The following IL2RG variants were observed in gnomAD, a reference collection of about 807,000 sequenced individuals.
IL2RG encodes the protein cytokine receptor common subunit gamma.
For missense variants in IL2RG, 205 were observed against 272.9 expected, an observed-to-expected ratio of 0.75 and a Z score of 1.75; for synonymous variants, 111 against 108.5, an observed-to-expected ratio of 1.02 and a Z score of -0.15.
At position 71,111,414 on chromosome X, in the gene IL2RG, A is replaced by G. The variant is rs756804552; in HGVS notation, c.115+11T>C. The G allele has an allele frequency of 2.5e-6, 3 of 1,208,911 alleles. No individual in the cohort carries two copies. The highest frequency in any genetic ancestry group is 3.4e-6 in the Non-Finnish European group (3 of 894,759). ...CTTCTCACCAGCCCCCTCCAGTCCC[A>G]GATTTCCCACCAGCTGTGGTGTCTT... On this transcript the variant is annotated intron_variant, in intron 1 of 7. Coordinates refer to ENST00000374202, the MANE Select transcript of IL2RG (RefSeq NM_000206.3).
At chrX:71,108,061 A>G (rs2092254712) in intron 7 of IL2RG, 140 bp from the exon 8 acceptor site, 4 of 547,638 alleles carry the variant, frequency 7.3e-6, no homozygotes, top group Admixed American at 2.8e-5. Flanking sequence ...TGGGCCCCCA[A>G]TACCAGTTGC....
rs370677485 is a variant in IL2RG at position 71,108,632 on chromosome X, A to G, written c.821T>C (p.Ile274Thr). 1.0e-5 allele frequency: 12 copies of G among 1,195,873 alleles called. No individual in the cohort carries two copies. Among genetic ancestry groups the G allele is most frequent in the Non-Finnish European group, 1.4e-5 (12 of 886,369 alleles). ...VISVGSMGLI[I>T]SLLCVYFWLE... ...CCAGAAATACACACAGAGAAGGCTG[A>G]TAATCAATCCCATGGAGCCAACAGA... The change falls in exon 6 of 8, where the codon ATC becomes ACC. Residue 274 changes from isoleucine to threonine, a missense_variant. Coordinates refer to ENST00000374202, the MANE Select transcript of IL2RG (RefSeq NM_000206.3).
Position 71,107,929 on chromosome X carries a change from C to T in IL2RG, c.925-8G>A, listed in dbSNP as rs1216156279. On this transcript the variant is annotated splice_region_variant and splice_polypyrimidine_tract_variant and intron_variant, in intron 7 of 7. Coordinates refer to ENST00000374202, the MANE Select transcript of IL2RG (RefSeq NM_000206.3). Reference sequence around the variant, plus strand: ...AGACACACCACTCCAGGCCTAAAGACAGATATGTCCAGGTCAGGGGTCAAT... The same window carrying T: ...AGACACACCACTCCAGGCCTAAAGATAGATATGTCCAGGTCAGGGGTCAAT... 8.4e-7 allele frequency: 1 copy of T among 1,194,398 alleles called. No homozygotes were observed. The highest frequency in any genetic ancestry group is 3.0e-5 in the East Asian group (1 of 33,713).
chrX:71,109,548 T>G (rs1005809731), intron 4 of IL2RG, among the ~76,000 whole-genome samples, 158 bp from the exon 5 acceptor site: 5 of 111,882 alleles, frequency 4.5e-5, no homozygotes, highest in African/African-American at 1.6e-4. Flanking sequence ...CTGACTTGAA[T>G]CTAATGCCTC....
At chrX:71,111,339 T>C (rs936253832) in intron 1 of IL2RG, 86 bp downstream of exon 1, 228 of 1,135,386 alleles carry the variant, frequency 2.0e-4, no homozygotes, top group Admixed American at 1.8e-4. Flanking sequence ...ATGATTGTAA[T>C]GGCCAGTGGC....
chrX:71,107,969 A>G (rs1569479748), intron 7 of IL2RG, 48 bp from the exon 8 acceptor site: 3 of 1,035,786 alleles, frequency 2.9e-6, no homozygotes, highest in Non-Finnish European at 4.1e-6. Context: ...GGCAGGAAGT[A>G]AAAGACCGAG....
At position 71,108,679 on chromosome X, in the gene IL2RG, A is replaced by G. The variant is rs1455716494; in HGVS notation, c.774T>C (p.Phe258=). Residue 258 remains phenylalanine (F), a synonymous_variant, in exon 6 of 8, where the codon TTT becomes TTC. Transcript: ENST00000374202. ...SNTSKENPFL[F]ALEAVVISVG... is the part of the protein sequence containing the mutation. Reference sequence around the variant, plus strand: ...CAGAGATAACCACGGCTTCCAATGCAAACAGGAAAGGATTCTCTATAGAAA... The same window carrying G: ...CAGAGATAACCACGGCTTCCAATGCGAACAGGAAAGGATTCTCTATAGAAA... 1 of 1,181,551 alleles carries G rather than the reference A, an allele frequency of 8.5e-7. No individual in the cohort carries two copies. Among genetic ancestry groups the G allele is most frequent in the South Asian group, 1.8e-5 (1 of 54,196 alleles).
intron 2 of IL2RG, 64 bp from the exon 3 acceptor site, chrX:71,110,752 G>A: frequency 9.1e-7 from 1 of 1,103,820 alleles, no homozygotes; most frequent in Non-Finnish European, 1.3e-6. Context: ...CAGATATCCA[G>A]AGCCTAGCCT....
At chrX:71,111,241 A>G in intron 1 of IL2RG, 184 bp downstream of exon 1, 1 of 720,924 alleles carries the variant, frequency 1.4e-6, no homozygotes, top group Non-Finnish European at 2.0e-6. Flanking sequence ...AAAGAAAGAA[A>G]CAAACAAACA....
Position 71,108,261 on chromosome X carries a change from A to C in IL2RG, c.924+16T>G, listed in dbSNP as rs1261000736. On this transcript the variant is annotated intron_variant, in intron 7 of 7. Transcript: ENST00000374202. Reference sequence around the variant, plus strand: ...GCAGTTGATAGACTGCAGCATGCTTATGACAGCGTTCTCACCGAAAAGTTC... The same window carrying C: ...GCAGTTGATAGACTGCAGCATGCTTCTGACAGCGTTCTCACCGAAAAGTTC... 2.6e-6 allele frequency: 3 copies of C among 1,148,296 alleles called. No homozygotes were observed. The East Asian group carries it at 8.9e-5, about 34-fold the overall frequency. 94.6% of individuals were successfully genotyped at this position (1,148,296 alleles called of 1,213,427 possible).
chrX:71,107,891 C>G lies in IL2RG; in HGVS notation c.955G>C (p.Glu319Gln). 8.3e-7 allele frequency: 1 copy of G among 1,209,207 alleles called. No individual in the cohort carries two copies. The highest frequency in any genetic ancestry group is 1.1e-6 in the Non-Finnish European group (1 of 893,667). Reference protein sequence around the residue: ...AWSGVSKGLAESLQPDYSERL... With the variant: ...AWSGVSKGLAQSLQPDYSERL... ...TCACTGTAGTCTGGCTGCAGACTCT[C>G]AGCCAGTCCCTTAGACACACCACTC... The change falls in exon 8 of 8, where the codon GAG (glutamate) becomes CAG (glutamine). Residue 319 changes from glutamate (E) to glutamine (Q), a missense_variant. Coordinates refer to ENST00000374202, the MANE Select transcript of IL2RG (RefSeq NM_000206.3).
rs140829612 is a variant in IL2RG, at chrX:71,110,476, G to A, written c.454+28C>T. ...ACTCCAATGTCCCACAGTATCCCTG[G>A]TCTCTTGACCCTTTCTTTCCAAATT... On this transcript the variant is annotated intron_variant, in intron 3 of 7. Coordinates refer to ENST00000374202, the MANE Select transcript of IL2RG (RefSeq NM_000206.3). 2.2e-3 allele frequency: 2,590 copies of A among 1,189,525 alleles called. 7 individuals carry two copies. The highest frequency in any genetic ancestry group is 2.7e-3 in the Non-Finnish European group (2,387 of 876,910).
At chrX:71,108,527 A>G in intron 6 of IL2RG, 72 bp downstream of exon 6, 4 of 787,266 alleles carry the variant, frequency 5.1e-6, no homozygotes, top group Non-Finnish European at 7.6e-6. Context: ...ACTCCTAAAG[A>G]CCCTGCAAAA....
Position 71,107,790 on chromosome X carries a change from G to T in IL2RG, c.1056C>A (p.Asn352Lys). 1 of 1,178,985 alleles carries T rather than the reference G, an allele frequency of 8.5e-7. No homozygotes were observed. Among genetic ancestry groups the T allele is most frequent in the South Asian group, 1.9e-5 (1 of 51,957 alleles). Residue 352 changes from asparagine (N) to lysine (K), a missense_variant, in exon 8 of 8, where the codon AAC (asparagine) becomes AAA (lysine). Transcript: ENST00000374202. ...GGGGGGCCCAGTAGGGGCTATGCTG[G>T]TTGCATGGGGAGGCCCCAGGCCCCT... Reference protein sequence around the residue: ...LGEGPGASPCNQHSPYWAPPC... With the variant: ...LGEGPGASPCKQHSPYWAPPC...
Position 71,110,312 on chromosome X carries a change from A to G in IL2RG, c.455-17T>C, listed in dbSNP as rs768114423. On this transcript the variant is annotated splice_polypyrimidine_tract_variant and intron_variant, in intron 3 of 7. Transcript: ENST00000374202. Reference sequence around the variant, plus strand: ...AGGGGATCACTGGAGATATGTGTGCATATGTGGTCATTCCCCTGGCCTAGA... The same window carrying G: ...AGGGGATCACTGGAGATATGTGTGCGTATGTGGTCATTCCCCTGGCCTAGA... 2.5e-6 allele frequency: 3 copies of G among 1,208,211 alleles called. No homozygotes were observed. The highest frequency in any genetic ancestry group is 3.4e-6 in the Non-Finnish European group (3 of 892,675).
intron 1 of IL2RG, 98 bp downstream of exon 1, chrX:71,111,327 A>T: frequency 9.0e-7 from 1 of 1,107,094 alleles, no homozygotes; most frequent in Non-Finnish European, 1.2e-6. Context: ...AATTCTGCCC[A>T]CATGATTGTA....
At chrX:71,111,242 C>G (rs192979765) in intron 1 of IL2RG, 183 bp downstream of exon 1, 56 of 727,582 alleles carry the variant, frequency 7.7e-5, no homozygotes, top group African/African-American at 5.0e-4. Context: ...AAGAAAGAAA[C>G]AAACAAACAA....
At chrX:71,110,804 CA>C (rs1376714473) in intron 2 of IL2RG, 92 bp downstream of exon 2, 1 of 1,102,529 alleles carries the variant, frequency 9.1e-7, no homozygotes, top group African/African-American at 1.8e-5. Context: ...CAGGAGAAAA[CA>C]GTGGGGTACC....
Position 71,110,627 on chromosome X carries a change from T to C in IL2RG, c.331A>G (p.Ile111Val), listed in dbSNP as rs2092261466. The C allele has an allele frequency of 1.7e-6, 2 of 1,207,714 alleles. No homozygotes were observed. Among genetic ancestry groups the C allele is most frequent in the Non-Finnish European group, 2.2e-6 (2 of 893,238 alleles). The part of the protein sequence containing the change: ...KCSHYLFSEE[I>V]TSGCQLQKKE... Reference sequence around the variant, plus strand: ...TTTTGCAACTGACAGCCAGAAGTGATTTCTTCAGAGAATAGATAGTGGCTG... The same window carrying C: ...TTTTGCAACTGACAGCCAGAAGTGACTTCTTCAGAGAATAGATAGTGGCTG... Residue 111 changes from isoleucine to valine, a missense_variant, in exon 3 of 8, where the codon ATC becomes GTC. Physicochemically the swap from Ile to Val is conservative, Grantham distance 29. Coordinates refer to ENST00000374202, the MANE Select transcript of IL2RG (RefSeq NM_000206.3).
Sources: gnomAD v4.1 joint callset for allele counts (sites outside exome capture counted in the v4.1 genomes callset) on GRCh38, gnomAD v4.1.1 for gene constraint, MANE v1.5 for transcripts, NCBI Gene and HGNC (gene_info 2026-07-23, HGNC 2026-07-21) for gene names.